Variants in LMBRD2 observed in about 807,000 individuals in gnomAD.
LMBRD2 encodes G protein-coupled receptor-associated protein LMBRD2.
In LMBRD2, 55 loss-of-function variants were observed where a neutral mutation model predicts 94.4. That is an observed-to-expected ratio of 0.58 (90% CI 0.47 to 0.73). The LOEUF is 0.73. LMBRD2 is among the 30% of genes least tolerant of loss of function. The probability of loss-of-function intolerance (pLI) is 0.00; values close to 1 mark genes in which losing one functional copy is unlikely to be tolerated. For synonymous variants in LMBRD2, 246 were observed against 272.4 expected (o/e 0.90, Z 0.95); for missense variants, 640 against 831.9 (o/e 0.77, Z 2.84).
intron 10 of LMBRD2, among the ~76,000 whole-genome samples, chr5:36,116,834 G>A (rs1409248315): frequency 1.3e-5 from 2 of 151,904 alleles, no homozygotes; most frequent in African/African-American, 2.4e-5. Flanking sequence ...GTGCCACCAC[G>A]CCCGGCTAAT....
rs923413792 is a variant in LMBRD2, at chr5:36,111,263, T to C, written c.1641-5A>G. 7.6e-6 allele frequency: 12 copies of C among 1,586,602 alleles called. No individual in the cohort carries two copies. The African/African-American group carries it at 1.6e-4, about 21-fold the overall frequency. ...TTCAAACAACGGGTTCCCAAACTAA[T>C]AAAAGCAGATTTTTTAAAAAGACAA... On this transcript the variant is annotated splice_polypyrimidine_tract_variant and splice_region_variant and intron_variant, in intron 13 of 17. Transcript: ENST00000296603.
chr5:36,106,067 T>C (rs570940106), intron 16 of LMBRD2, among the ~76,000 whole-genome samples: 2,201 of 152,120 alleles, frequency 0.014, 55 homozygotes, highest in African/African-American at 0.051. Flanking sequence ...AAATCGCAAT[T>C]GCCCAATACA....
intron 7 of LMBRD2, among the ~76,000 whole-genome samples, chr5:36,123,743 A>G (rs979779355): frequency 1.3e-5 from 2 of 150,178 alleles, no homozygotes; most frequent in Admixed American, 1.3e-4. Context: ...AGTTAAATAT[A>G]GTATAGTTTA....
intron 1 of LMBRD2, among the ~76,000 whole-genome samples, chr5:36,148,295 T>C (rs1183412216): frequency 6.6e-6 from 1 of 150,716 alleles, no homozygotes. Context: ...ACCTAAGAGC[T>C]GAGTTGGCGA....
chr5:36,136,629 A>T, intron 5 of LMBRD2, 110 bp from the exon 6 acceptor site: 1 of 837,796 alleles, frequency 1.2e-6, no homozygotes, highest in Non-Finnish European at 1.9e-6. Context: ...AGTTAAAATT[A>T]GCATCTAGAA....
intron 6 of LMBRD2, among the ~76,000 whole-genome samples, chr5:36,129,883 G>A (rs1043238110): frequency 6.6e-6 from 1 of 152,174 alleles, no homozygotes; most frequent in Non-Finnish European, 1.5e-5. Flanking sequence ...CATGTCCTTT[G>A]TAGGGACATG....
intron 6 of LMBRD2, among the ~76,000 whole-genome samples, chr5:36,133,085 G>T (rs1744191408): frequency 6.6e-6 from 1 of 150,936 alleles, no homozygotes. Context: ...CTATATCAAA[G>T]AAATGTCTGC....
intron 4 of LMBRD2, among the ~76,000 whole-genome samples, chr5:36,137,677 A>G (rs994823926): frequency 4.6e-5 from 7 of 152,240 alleles, no homozygotes; most frequent in Non-Finnish European, 1.0e-4. Flanking sequence ...TCTGGACTAC[A>G]TTCAAAGAAA....
Position 36,124,214 on chromosome 5 carries a change from A to G in LMBRD2, c.799T>C (p.Cys267Arg). The change falls in exon 7 of 18, where the codon TGT becomes CGT. Residue 267 changes from cysteine to arginine, a missense_variant. Cys to Arg is a radical substitution (Grantham distance 180). Transcript: ENST00000296603. ...ACCTTTTTAAGTATTGTATCAACAC[A>G]TTTTCTCAATGGGTGATTATACTTG... ...SIKYNHPLRK[C>R]VDTILKKCPT... The G allele has an allele frequency of 6.3e-7, 1 of 1,588,240 alleles. No individual in the cohort carries two copies. The highest frequency in any genetic ancestry group is 1.1e-5 in the South Asian group (1 of 89,760).
intron 3 of LMBRD2, among the ~76,000 whole-genome samples, chr5:36,141,479 T>C (rs532055226): frequency 1.3e-5 from 2 of 152,152 alleles, no homozygotes; most frequent in South Asian, 4.1e-4. Flanking sequence ...GAAAACTTAA[T>C]GTTCAACTAA....
chr5:36,100,204 CTAAA>C lies in LMBRD2; in HGVS notation c.*3838_*3841del, dbSNP rs1743318798. 1 of 152,034 alleles carries C rather than the reference CTAAA, an allele frequency of 6.6e-6. No individual in the cohort carries two copies. The highest frequency in any genetic ancestry group is 6.6e-5 in the Admixed American group (1 of 15,244). The allele number at this position is 152,034 out of a possible 1,614,324, so 9.4% of individuals were successfully genotyped here. A position where few individuals can be genotyped will look rare whatever the true frequency, so the allele number is the denominator to read the frequency against. ...TTTCATAAAAAGATGTCTCAAGAAT[CTAAA>C]TAAATCTTAAATTTTGGGGGGGAAA... is the stretch of plus-strand genomic sequence containing the variant. On this transcript the variant is annotated 3_prime_UTR_variant, in exon 18 of 18. Coordinates refer to ENST00000296603, the MANE Select transcript of LMBRD2 (RefSeq NM_001007527.2).
In LMBRD2 at chr5:36,115,741, A is replaced by G. The variant is rs149858410; in HGVS notation, c.1437-621T>C. Among the ~76,000 whole-genome samples the G allele has an allele frequency of 3.4e-4, 51 of 149,200 alleles. No individual in the cohort carries two copies. In the East Asian group the frequency reaches 8.3e-3, roughly 24 times the overall value. On this transcript the variant is annotated intron_variant, in intron 11 of 17. Transcript: ENST00000296603. ...ACACACACACACACACACACGAATG[A>G]AGGATAAAAAATGGTGAGAACTAAA...
chr5:36,124,121 T>C lies in LMBRD2; in HGVS notation c.822+70A>G. The stretch of plus-strand genomic sequence containing the variant: ...CAGCTATAGGCTGTTTTCATACTTT[T>C]CTGGTACTTTTGGTATAATATTATA... On this transcript the variant is annotated intron_variant, in intron 7 of 17. Transcript: ENST00000296603. The C allele has an allele frequency of 3.5e-6, 3 of 864,552 alleles. No homozygotes were observed. In the Middle Eastern group the frequency reaches 8.4e-4, roughly 241 times the overall value. The allele number at this position is 864,552 out of a possible 1,614,324, so 53.6% of individuals were successfully genotyped here. A position where few individuals can be genotyped will look rare whatever the true frequency, so the allele number is the denominator to read the frequency against.
At position 36,122,860 on chromosome 5, in the gene LMBRD2, T is replaced by C. The variant is rs1331149572; in HGVS notation, c.924A>G (p.Lys308=). 2 of 1,595,986 alleles carry C rather than the reference T, an allele frequency of 1.3e-6. No homozygotes were observed. The highest frequency in any genetic ancestry group is 2.3e-5 in the East Asian group (1 of 44,122). Residue 308 remains lysine, a synonymous_variant, in exon 8 of 18, where the codon AAA becomes AAG. Transcript: ENST00000296603. Reference sequence around the variant, plus strand: ...TTAACAAAGTTACCTGTTTATGCAGTTTTACCAGACTTTTTTCACTTGGAT... The same window carrying C: ...TTAACAAAGTTACCTGTTTATGCAGCTTTACCAGACTTTTTTCACTTGGAT... The part of the protein sequence containing the change: ...SIYPSEKSLV[K]LHKQVIYSVQ...
At chr5:36,143,079 G>T in intron 2 of LMBRD2, 97 bp downstream of exon 2, 1 of 855,244 alleles carries the variant, frequency 1.2e-6, no homozygotes, top group Non-Finnish European at 1.8e-6. Flanking sequence ...ATTCAAAACT[G>T]ACATAACTTA....
rs183505626 is a variant in LMBRD2 at position 36,112,072 on chromosome 5, C to T, written c.1641-814G>A. ...TGAAGGAGAGAGAGAGAGAGAGAGA[C>T]GAAGGGAAAACAGGAAAGCAATTTA... On this transcript the variant is annotated intron_variant, in intron 13 of 17. Transcript: ENST00000296603. 8.7e-5 allele frequency among the ~76,000 whole-genome samples: 13 copies of T among 149,388 alleles called. No individual in the cohort carries two copies. In the East Asian group the frequency reaches 2.1e-3, roughly 24 times the overall value.
intron 16 of LMBRD2, among the ~76,000 whole-genome samples, chr5:36,106,509 G>GTTTTT (rs70973085): frequency 6.7e-5 from 8 of 119,364 alleles, no homozygotes; most frequent in African/African-American, 1.1e-4. Flanking sequence ...TTTTTCTTTC[G>GTTTTT]TTTTTTTTTT....
chr5:36,122,980 A>G lies in LMBRD2; in HGVS notation c.823-19T>C. 1 of 1,462,962 alleles carries G rather than the reference A, an allele frequency of 6.8e-7. No homozygotes were observed. The highest frequency in any genetic ancestry group is 9.0e-7 in the Non-Finnish European group (1 of 1,112,470). 90.6% of individuals were successfully genotyped at this position (1,462,962 alleles called of 1,614,324 possible). A position where few individuals can be genotyped will look rare whatever the true frequency, so the allele number is the denominator to read the frequency against. On this transcript the variant is annotated intron_variant, in intron 7 of 17. Coordinates refer to ENST00000296603, the MANE Select transcript of LMBRD2 (RefSeq NM_001007527.2). ...TAGGGCACTAAAAAAAAAAAAAAGTAGATTTTTAAAAATCTTAATTGTAAA... is the reference window on the plus strand; with the variant it reads ...TAGGGCACTAAAAAAAAAAAAAAGTGGATTTTTAAAAATCTTAATTGTAAA...
At chr5:36,142,474 T>C (rs1744433087) in intron 3 of LMBRD2, 28 bp downstream of exon 3, 2 of 1,298,234 alleles carry the variant, frequency 1.5e-6, no homozygotes, top group East Asian at 4.6e-5. Flanking sequence ...CTACAATGTT[T>C]ATATATTTTT....
Sources: allele counts gnomAD v4.1 joint callset (sites outside exome capture counted in the v4.1 genomes callset), GRCh38; gene constraint gnomAD v4.1.1; transcripts MANE v1.5; gene names NCBI Gene and HGNC (gene_info 2026-07-23, HGNC 2026-07-21).